Variants in ANKMY2 observed in about 807,000 individuals in gnomAD.
ANKMY2 encodes ankyrin repeat and MYND domain-containing protein 2.
A neutral mutation model predicts 50.4 loss-of-function variants in ANKMY2; 36 were observed. That is an observed-to-expected ratio of 0.71 (90% CI 0.55 to 0.94). ANKMY2 has a LOEUF of 0.94. ANKMY2 is among the 40% of genes least tolerant of loss of function. The probability of loss-of-function intolerance (pLI) is 0.00; values close to 1 mark genes in which losing one functional copy is unlikely to be tolerated. For missense variants in ANKMY2, 565 were observed against 524.0 expected, an observed-to-expected ratio of 1.08 and a Z score of -0.76; for synonymous variants, 187 against 178.8, an observed-to-expected ratio of 1.05 and a Z score of -0.36.
intron 1 of ANKMY2, among the ~76,000 whole-genome samples, chr7:16,639,243 A>C (rs1464936108): frequency 6.6e-6 from 1 of 152,246 alleles, no homozygotes; most frequent in East Asian, 1.9e-4. Context: ...TAGTAGACTT[A>C]AATAATATTT....
chr7:16,625,924 T>A (rs201441858), intron 3 of ANKMY2, among the ~76,000 whole-genome samples: 1 of 152,118 alleles, frequency 6.6e-6, no homozygotes, highest in East Asian at 1.9e-4. Context: ...TCTTTTGTTT[T>A]CCATCCAATT....
intron 1 of ANKMY2, among the ~76,000 whole-genome samples, chr7:16,639,654 G>A (rs1277188118): frequency 6.6e-6 from 1 of 152,062 alleles, no homozygotes; most frequent in Admixed American, 6.6e-5. Flanking sequence ...TGGTGGCATG[G>A]ACCTGTAGTC....
chr7:16,627,668 G>A (rs896420870), intron 2 of ANKMY2, among the ~76,000 whole-genome samples: 5 of 152,228 alleles, frequency 3.3e-5, no homozygotes, highest in Admixed American at 6.5e-5. Context: ...ACAAATTATT[G>A]TCAATGAGAA....
chr7:16,621,721 C>T (rs929568993), intron 4 of ANKMY2, among the ~76,000 whole-genome samples: 1 of 152,016 alleles, frequency 6.6e-6, no homozygotes, highest in African/African-American at 2.4e-5. Context: ...TGCCTGTAAT[C>T]CTAAGGACTT....
At chr7:16,610,371 T>A (rs1010308962) in intron 6 of ANKMY2, among the ~76,000 whole-genome samples, 178 bp downstream of exon 6, 1 of 152,200 alleles carries the variant, frequency 6.6e-6, no homozygotes, top group African/African-American at 2.4e-5. Flanking sequence ...GATACAGAAC[T>A]GAATAATCAC....
At chr7:16,612,632 C>G (rs1781274720) in intron 5 of ANKMY2, among the ~76,000 whole-genome samples, 1 of 152,114 alleles carries the variant, frequency 6.6e-6, no homozygotes, top group Non-Finnish European at 1.5e-5. Context: ...AAATTTCAAA[C>G]AGAGCCCAGA....
chr7:16,637,511 G>T (rs1198952960), intron 1 of ANKMY2, among the ~76,000 whole-genome samples: 1 of 151,740 alleles, frequency 6.6e-6, no homozygotes, highest in Non-Finnish European at 1.5e-5. Flanking sequence ...TCAAGTGAAT[G>T]ATCTACACGT....
chr7:16,609,759 T>C lies in ANKMY2; in HGVS notation c.753A>G (p.Leu251=). Residue 251 remains leucine (L), a synonymous_variant, in exon 7 of 10, where the codon TTA becomes TTG. Coordinates refer to ENST00000306999, the MANE Select transcript of ANKMY2 (RefSeq NM_020319.3). Reference sequence around the variant, plus strand: ...GAAAGCCATCAGAAGCTCGGCCTTTTAACAAGCTGAAAGATATTTTTTAAA... The same window carrying C: ...GAAAGCCATCAGAAGCTCGGCCTTTCAACAAGCTGAAAGATATTTTTTAAA... The part of the protein sequence containing the change: ...NKLDTLIKSL[L]KGRASDGFPV... The C allele has an allele frequency of 1.2e-6, 2 of 1,608,334 alleles. No individual in the cohort carries two copies. The highest frequency in any genetic ancestry group is 1.7e-6 in the Non-Finnish European group (2 of 1,178,132).
At chr7:16,617,919 T>TG (rs1470482112) in intron 4 of ANKMY2, among the ~76,000 whole-genome samples, 3 of 38,470 alleles carry the variant, frequency 7.8e-5, no homozygotes, top group African/African-American at 2.5e-4. Flanking sequence ...GTGAGCGTGT[T>TG]TTTTTTTTTT....
intron 1 of ANKMY2, among the ~76,000 whole-genome samples, chr7:16,640,569 TG>T (rs1337968277): frequency 6.6e-6 from 1 of 152,206 alleles, no homozygotes; most frequent in Non-Finnish European, 1.5e-5. Flanking sequence ...TCGCCCAAGC[TG>T]GAGTGCAGTG....
intron 7 of ANKMY2, among the ~76,000 whole-genome samples, chr7:16,605,884 C>T (rs545475152): frequency 2.6e-5 from 4 of 151,862 alleles, no homozygotes; most frequent in East Asian, 3.9e-4. Context: ...GGGGTTTCAC[C>T]GTGTCAGCCA....
In ANKMY2 at chr7:16,627,112, G is replaced by A. The variant is rs1478992649; in HGVS notation, c.199C>T (p.Arg67Ter). ...GKLDMCKLLL[R>*]HGADVNCHQH... is the part of the protein sequence containing the mutation. Reference sequence around the variant, plus strand: ...TGACAATTTACATCGGCTCCATGTCGCAGTAGTAATTTGCACATATCGAGT... The same window carrying A: ...TGACAATTTACATCGGCTCCATGTCACAGTAGTAATTTGCACATATCGAGT... Residue 67 changes from arginine (R) to a stop codon, truncating the protein, a stop_gained, in exon 3 of 10, where the codon CGA becomes TGA. Transcript: ENST00000306999. LOFTEE classifies it high-confidence loss of function. 7.4e-6 allele frequency: 12 copies of A among 1,612,040 alleles called. No individual in the cohort carries two copies. The highest frequency in any genetic ancestry group is 1.3e-5 in the African/African-American group (1 of 74,884).
intron 5 of ANKMY2, among the ~76,000 whole-genome samples, chr7:16,611,516 G>A (rs796293205): frequency 6.6e-6 from 1 of 152,148 alleles, no homozygotes; most frequent in African/African-American, 2.4e-5. Context: ...GTCTGCAAAG[G>A]ACTGCTGTAA....
chr7:16,622,869 A>C (rs987956700), intron 4 of ANKMY2, among the ~76,000 whole-genome samples: 5 of 152,364 alleles, frequency 3.3e-5, no homozygotes, highest in African/African-American at 1.2e-4. Flanking sequence ...AACATGTAAA[A>C]AATATTCAAG....
intron 3 of ANKMY2, among the ~76,000 whole-genome samples, chr7:16,626,292 A>T (rs4721518): frequency 0.17 from 26,518 of 152,112 alleles, 2,615 homozygotes; most frequent in Middle Eastern, 0.26. Flanking sequence ...AAGAACTTTT[A>T]ATATTTCACA....
Position 16,601,003 on chromosome 7 carries a change from AT to A in ANKMY2, c.1142-59del, listed in dbSNP as rs1438903768. Reference sequence around the variant, plus strand: ...TACCATGTGTCAGACACTCTTCTCAATGCTTTACATGTATTATTTAATCTTC... The same window carrying A: ...TACCATGTGTCAGACACTCTTCTCAAGCTTTACATGTATTATTTAATCTTC... On this transcript the variant is annotated intron_variant, in intron 9 of 9. Coordinates refer to ENST00000306999, the MANE Select transcript of ANKMY2 (RefSeq NM_020319.3). 19 of 1,310,382 alleles carry A rather than the reference AT, an allele frequency of 1.4e-5. No individual in the cohort carries two copies. In the African/African-American group the frequency reaches 2.2e-4, roughly 15 times the overall value. The allele number at this position is 1,310,382 out of a possible 1,614,324, so 81.2% of individuals were successfully genotyped here.
At chr7:16,638,501 T>G (rs1444707502) in intron 1 of ANKMY2, among the ~76,000 whole-genome samples, 1 of 152,192 alleles carries the variant, frequency 6.6e-6, no homozygotes, top group Non-Finnish European at 1.5e-5. Context: ...GATTCCATGC[T>G]CTTTCCAGGC....
intron 1 of ANKMY2, among the ~76,000 whole-genome samples, chr7:16,643,516 G>C (rs1305004295): frequency 1.3e-5 from 2 of 152,008 alleles, no homozygotes; most frequent in Non-Finnish European, 2.9e-5. Context: ...CAATGAAAGC[G>C]ATGAAAGCAT....
chr7:16,609,764 A>C lies in ANKMY2; in HGVS notation c.748T>G (p.Leu250Val). The C allele has an allele frequency of 6.2e-7, 1 of 1,608,006 alleles. No homozygotes were observed. The highest frequency in any genetic ancestry group is 8.5e-7 in the Non-Finnish European group (1 of 1,177,956). Residue 250 changes from leucine to valine, a missense_variant and splice_region_variant, in exon 7 of 10, where the codon TTG (leucine) becomes GTG (valine). Coordinates refer to ENST00000306999, the MANE Select transcript of ANKMY2 (RefSeq NM_020319.3). ...ENKLDTLIKS[L>V]LKGRASDGFP... ...CCATCAGAAGCTCGGCCTTTTAACA[A>C]GCTGAAAGATATTTTTTAAAGCGTA...
Sources: allele counts gnomAD v4.1 joint callset (sites outside exome capture counted in the v4.1 genomes callset), GRCh38; gene constraint gnomAD v4.1.1; transcripts MANE v1.5; gene names NCBI Gene and HGNC (gene_info 2026-07-23, HGNC 2026-07-21).